Variants in RFTN1 observed in about 807,000 individuals in gnomAD.
RFTN1 encodes raftlin, lipid raft linker 1, also known as raftlin.
RFTN1 carries 26 observed loss-of-function variants against 46.5 expected under a neutral mutation model. The observed-to-expected ratio is 0.56, with a 90% CI of 0.41 to 0.78. The LOEUF (loss-of-function observed/expected upper bound fraction) is 0.78. RFTN1 is among the 30% of genes least tolerant of loss of function. The pLI, the probability that RFTN1 is intolerant of heterozygous loss-of-function variation, is 0.00. For missense variants in RFTN1, 693 were observed against 718.7 expected (o/e 0.96, Z 0.41); for synonymous variants, 261 against 284.2 (o/e 0.92, Z 0.82).
chr3:16,405,228 G>A lies in RFTN1; in HGVS notation c.441+4147C>T, dbSNP rs538386622. Among the ~76,000 whole-genome samples the A allele has an allele frequency of 2.6e-4, 39 of 152,184 alleles. 1 individual carries two copies. The highest frequency in any genetic ancestry group is 4.6e-4 in the Non-Finnish European group (31 of 68,002). On this transcript the variant is annotated intron_variant, in intron 4 of 9. Transcript: ENST00000334133. ...CACCTGATGGGCTGGTTGAGCCCTCGTCCCAAAGGAATTCTGGCAGCACCA... is the reference window on the plus strand; with the variant it reads ...CACCTGATGGGCTGGTTGAGCCCTCATCCCAAAGGAATTCTGGCAGCACCA...
Position 16,321,694 on chromosome 3 carries a change from T to G in RFTN1, c.1332+1682A>C, listed in dbSNP as rs530389185. 6.6e-6 allele frequency among the ~76,000 whole-genome samples: 1 copy of G among 152,214 alleles called. No individual in the cohort carries two copies. Among genetic ancestry groups the G allele is most frequent in the Admixed American group, 6.5e-5 (1 of 15,302 alleles). On this transcript the variant is annotated intron_variant, in intron 9 of 9. Coordinates refer to ENST00000334133, the MANE Select transcript of RFTN1 (RefSeq NM_015150.2). The surrounding 1 kb of genome is among the most constrained non-coding windows in gnomAD (Gnocchi z 4.8). The stretch of plus-strand genomic sequence containing the variant: ...AGTCTTGGAATGAGGCAGGAAATAA[T>G]TAGGTACATGGAAAGAGAAAGCAGT...
At chr3:16,371,267 C>T (rs144488109) in intron 5 of RFTN1, among the ~76,000 whole-genome samples, 1 of 152,344 alleles carries the variant, frequency 6.6e-6, no homozygotes, top group East Asian at 1.9e-4. Context: ...GGACAAAGCA[C>T]ATTCATGCTC....
At position 16,337,635 on chromosome 3, in the gene RFTN1, G is replaced by A. The variant is rs751462841; in HGVS notation, c.1147-10759C>T. On this transcript the variant is annotated intron_variant, in intron 7 of 9. Coordinates refer to ENST00000334133, the MANE Select transcript of RFTN1 (RefSeq NM_015150.2). The surrounding 1 kb of genome is among the most constrained non-coding windows in gnomAD (Gnocchi z 5.0). ...CAGGCGCCTGTAGTCCCAGCTACTC[G>A]GGAGGCTGAGGCAGGAGAATCGCTT... Among the ~76,000 whole-genome samples the A allele has an allele frequency of 4.6e-5, 7 of 151,834 alleles. No homozygotes were observed. Among genetic ancestry groups the A allele is most frequent in the South Asian group, 4.2e-4 (2 of 4,788 alleles).
chr3:16,340,424 T>G (rs2071243047), intron 7 of RFTN1, among the ~76,000 whole-genome samples: 1 of 152,258 alleles, frequency 6.6e-6, no homozygotes, highest in Non-Finnish European at 1.5e-5. Context: ...GAGGCCACTC[T>G]AGATCATTCA....
At chr3:16,423,053 A>T (rs1329546097) in intron 3 of RFTN1, among the ~76,000 whole-genome samples, 1 of 152,098 alleles carries the variant, frequency 6.6e-6, no homozygotes, top group African/African-American at 2.4e-5. Context: ...CTGTAGTCCC[A>T]GCTCCTTGGG....
intron 8 of RFTN1, among the ~76,000 whole-genome samples, chr3:16,324,022 A>T (rs575024619): frequency 6.6e-6 from 1 of 152,180 alleles, no homozygotes; most frequent in Non-Finnish European, 1.5e-5. Context: ...CGTATCTTAC[A>T]ATACAGTGAA....
At chr3:16,331,812 C>T (rs1017931163) in intron 7 of RFTN1, among the ~76,000 whole-genome samples, 9 of 152,168 alleles carry the variant, frequency 5.9e-5, no homozygotes, top group African/African-American at 1.4e-4. Flanking sequence ...TAGTGACTCT[C>T]TAGGCAACAA....
At chr3:16,456,410 A>T (rs901619543) in intron 2 of RFTN1, among the ~76,000 whole-genome samples, 1 of 152,210 alleles carries the variant, frequency 6.6e-6, no homozygotes, top group Non-Finnish European at 1.5e-5. Context: ...AGATGAGAGG[A>T]AACTCAAGGA....
rs947711175 is a variant in RFTN1, at chr3:16,356,556, G to C, written c.1146+1376C>G. Among the ~76,000 whole-genome samples the C allele has an allele frequency of 2.0e-5, 3 of 152,242 alleles. No homozygotes were observed. The highest frequency in any genetic ancestry group is 7.2e-5 in the African/African-American group (3 of 41,464). Reference sequence around the variant, plus strand: ...GGAACTGCTGCAGCTTCAAAGCTGAGTAATAGTGTCCCGGGGGACATCCAA... The same window carrying C: ...GGAACTGCTGCAGCTTCAAAGCTGACTAATAGTGTCCCGGGGGACATCCAA... On this transcript the variant is annotated intron_variant, in intron 7 of 9. Coordinates refer to ENST00000334133, the MANE Select transcript of RFTN1 (RefSeq NM_015150.2). This position sits in a 1 kb window ranked among gnomAD's most constrained non-coding sequence, Gnocchi z 4.9.
chr3:16,497,733 A>C (rs1358067909), intron 1 of RFTN1, among the ~76,000 whole-genome samples: 1 of 152,248 alleles, frequency 6.6e-6, no homozygotes, highest in African/African-American at 2.4e-5. Flanking sequence ...CTTTGAAATC[A>C]GAATTACCTT....
chr3:16,377,828 G>A lies in RFTN1; in HGVS notation c.716C>T (p.Ser239Leu), dbSNP rs1040033561. 3.7e-6 allele frequency: 6 copies of A among 1,614,044 alleles called. No homozygotes were observed. The highest frequency in any genetic ancestry group is 2.7e-5 in the African/African-American group (2 of 74,938). The change falls in exon 5 of 10, where the codon TCA (serine) becomes TTA (leucine). Residue 239 changes from serine (S) to leucine (L), a missense_variant. Ser to Leu is a moderately radical substitution (Grantham distance 145, BLOSUM62 -2). Transcript: ENST00000334133. ...TCCACCATCTCCCTCTCCGGAGGGT[G>A]AGCTGGGCTGCTTGGCGAGGGGCAC... ...GEVPLAKQPS[S>L]PSGEGDGGEL...
At position 16,329,403 on chromosome 3, in the gene RFTN1, GA is replaced by G. The variant is rs957866209; in HGVS notation, c.1147-2528del. 9.2e-5 allele frequency among the ~76,000 whole-genome samples: 14 copies of G among 152,124 alleles called. No individual in the cohort carries two copies. The highest frequency in any genetic ancestry group is 1.9e-4 in the Non-Finnish European group (13 of 68,022). Reference sequence around the variant, plus strand: ...AGGCGGAAGGGAGGAGGGAAGGGAGGAAAGGAGAGAGAGGTACAAGAATAAT... The same window carrying G: ...AGGCGGAAGGGAGGAGGGAAGGGAGGAAGGAGAGAGAGGTACAAGAATAAT... On this transcript the variant is annotated intron_variant, in intron 7 of 9. Transcript: ENST00000334133. This position sits in a 1 kb window ranked among gnomAD's most constrained non-coding sequence, Gnocchi z 4.5.
In RFTN1 at chr3:16,512,509, C is replaced by T. The variant is rs528564879; in HGVS notation, c.-9+933G>A. 2.0e-5 allele frequency among the ~76,000 whole-genome samples: 3 copies of T among 152,148 alleles called. No individual in the cohort carries two copies. The highest frequency in any genetic ancestry group is 6.5e-5 in the Admixed American group (1 of 15,292). ...CAGCGTCCCTAGGGATCACCCATAA[C>T]CACACAGGGCAGCTGAGGGCAAGCA... is the stretch of plus-strand genomic sequence containing the variant. On this transcript the variant is annotated intron_variant, in intron 1 of 9. Coordinates refer to ENST00000334133, the MANE Select transcript of RFTN1 (RefSeq NM_015150.2). The surrounding 1 kb of genome is among the most constrained non-coding windows in gnomAD (Gnocchi z 4.3).
At position 16,336,005 on chromosome 3, in the gene RFTN1, C is replaced by T. The variant is rs1466926042; in HGVS notation, c.1147-9129G>A. Among the ~76,000 whole-genome samples the T allele has an allele frequency of 3.3e-5, 5 of 152,176 alleles. No individual in the cohort carries two copies. The highest frequency in any genetic ancestry group is 1.9e-4 in the East Asian group (1 of 5,190). The stretch of plus-strand genomic sequence containing the variant: ...GGCTGCCTGGGCCCTGCTCAGCACA[C>T]GCTGGCTATAGCGGCACTCGAGGAG... On this transcript the variant is annotated intron_variant, in intron 7 of 9. Coordinates refer to ENST00000334133, the MANE Select transcript of RFTN1 (RefSeq NM_015150.2). The surrounding 1 kb of genome is among the most constrained non-coding windows in gnomAD (Gnocchi z 6.0).
rs764239146 is a variant in RFTN1 at position 16,456,641 on chromosome 3, G to A, written c.146-22604C>T. Among the ~76,000 whole-genome samples the A allele has an allele frequency of 5.7e-4, 86 of 152,094 alleles. 1 individual carries two copies. Among genetic ancestry groups the A allele is most frequent in the Non-Finnish European group, 9.3e-4 (63 of 68,022 alleles). On this transcript the variant is annotated intron_variant, in intron 2 of 9. Transcript: ENST00000334133. Reference sequence around the variant, plus strand: ...CCCCTAAGAACTTTTGTTTATGTGGGTTACATCTATCTATATTCTTCACGT... The same window carrying A: ...CCCCTAAGAACTTTTGTTTATGTGGATTACATCTATCTATATTCTTCACGT...
rs922484642 is a variant in RFTN1 at position 16,320,780 on chromosome 3, C to G, written c.1332+2596G>C. ...GCTGGAGGCCACAGAGAATGGGAGG[C>G]TGGCAGAGGAGGTAAGAGGGACCAG... On this transcript the variant is annotated intron_variant, in intron 9 of 9. Coordinates refer to ENST00000334133, the MANE Select transcript of RFTN1 (RefSeq NM_015150.2). The surrounding 1 kb of genome is among the most constrained non-coding windows in gnomAD (Gnocchi z 4.5). 6.6e-6 allele frequency among the ~76,000 whole-genome samples: 1 copy of G among 152,174 alleles called. No individual in the cohort carries two copies. The highest frequency in any genetic ancestry group is 2.4e-5 in the African/African-American group (1 of 41,426).
intron 7 of RFTN1, chr3:16,350,293 C>G (rs1642536744): frequency 6.6e-6 from 1 of 152,118 alleles, no homozygotes; most frequent in Non-Finnish European, 1.5e-5. Flanking sequence ...TTTGATATTA[C>G]AAGTAATGCT....
In RFTN1 at chr3:16,400,153, G is replaced by C. The variant is rs568254825; in HGVS notation, c.441+9222C>G. Reference sequence around the variant, plus strand: ...CCCCATCCTCAGCCTGGCCTGCAGGGCTGTATGGGGACCCGACTCACTCTC... The same window carrying C: ...CCCCATCCTCAGCCTGGCCTGCAGGCCTGTATGGGGACCCGACTCACTCTC... On this transcript the variant is annotated intron_variant, in intron 4 of 9. Coordinates refer to ENST00000334133, the MANE Select transcript of RFTN1 (RefSeq NM_015150.2). This position sits in a 1 kb window ranked among gnomAD's most constrained non-coding sequence, Gnocchi z 4.5. Among the ~76,000 whole-genome samples, 2 of 152,260 alleles carry C rather than the reference G, an allele frequency of 1.3e-5. No homozygotes were observed. The highest frequency in any genetic ancestry group is 3.9e-4 in the East Asian group (2 of 5,184).
rs1308277107 is a variant in RFTN1, at chr3:16,421,871, T to C, written c.332+11980A>G. On this transcript the variant is annotated intron_variant, in intron 3 of 9. Transcript: ENST00000334133. This position sits in a 1 kb window ranked among gnomAD's most constrained non-coding sequence, Gnocchi z 4.6. ...ACAAAAAGCGATCCACTAATTCACCTTACTGAGATCTCAGCTGAAAGTGCT... is the reference window on the plus strand; with the variant it reads ...ACAAAAAGCGATCCACTAATTCACCCTACTGAGATCTCAGCTGAAAGTGCT... Among the ~76,000 whole-genome samples, 2 of 152,198 alleles carry C rather than the reference T, an allele frequency of 1.3e-5. No individual in the cohort carries two copies. The highest frequency in any genetic ancestry group is 2.9e-5 in the Non-Finnish European group (2 of 68,026).
Sources: allele counts gnomAD v4.1 joint callset (sites outside exome capture counted in the v4.1 genomes callset), GRCh38; gene constraint gnomAD v4.1.1; non-coding constraint Gnocchi (gnomAD v3.1); transcripts MANE v1.5; gene names NCBI Gene and HGNC (gene_info 2026-07-23, HGNC 2026-07-21).